The following ASAP1 variants were observed in gnomAD, a reference collection of about 807,000 sequenced individuals.
ASAP1 encodes the protein arf-GAP with SH3 domain, ANK repeat and PH domain-containing protein 1.
A neutral mutation model predicts 145.2 loss-of-function variants in ASAP1; 43 were observed. That is an observed-to-expected ratio of 0.30 (90% CI 0.23 to 0.38). ASAP1 has a LOEUF of 0.38. ASAP1 is among the 10% of genes least tolerant of loss of function. The pLI, the probability that ASAP1 is intolerant of heterozygous loss-of-function variation, is 1.00. For synonymous variants in ASAP1, 546 were observed against 515.5 expected (o/e 1.06, Z -0.80); for missense variants, 1,018 against 1,355.3 (o/e 0.75, Z 3.91).
chr8:130,103,190 T>G (rs894865525), intron 24 of ASAP1, among the ~76,000 whole-genome samples: 1 of 152,176 alleles, frequency 6.6e-6, no homozygotes, highest in Non-Finnish European at 1.5e-5. Context: ...GTTTCCTAAT[T>G]TGCTGGCCTA....
At chr8:130,110,160 G>C (rs897561776) in intron 24 of ASAP1, among the ~76,000 whole-genome samples, 8 of 152,146 alleles carry the variant, frequency 5.3e-5, no homozygotes, top group Admixed American at 1.3e-4. Flanking sequence ...TATATATTAT[G>C]GGTTTCTGTT....
chr8:130,256,784 C>CATATATATATATATATATATATCT (rs1819593739), intron 3 of ASAP1, among the ~76,000 whole-genome samples: 1 of 58,764 alleles, frequency 1.7e-5, no homozygotes, highest in African/African-American at 6.6e-5. Context: ...TATATATATC[C>CATATATATATATATATATATATCT]TTATATATAT....
At chr8:130,077,460 T>G (rs779058123) in intron 26 of ASAP1, among the ~76,000 whole-genome samples, 1 of 151,540 alleles carries the variant, frequency 6.6e-6, no homozygotes, top group Non-Finnish European at 1.5e-5. Flanking sequence ...GAGCCCCATC[T>G]GCCAAGAACC....
In ASAP1 at chr8:130,202,479, TAAG is replaced by T. The variant is rs1417605171; in HGVS notation, c.405+12074_405+12076del. Among the ~76,000 whole-genome samples the T allele has an allele frequency of 1.3e-5, 2 of 152,240 alleles. 1 individual carries two copies. ...GGCACTTGGTAACTGCTGGCAGAGA[TAAG>T]AACACACTTCATAGGAAGTTTCTTT... On this transcript the variant is annotated intron_variant, in intron 5 of 29. Transcript: ENST00000518721.
chr8:130,128,142 T>A, intron 15 of ASAP1, 52 bp from the exon 16 acceptor site: 8 of 340,096 alleles, frequency 2.4e-5, no homozygotes, highest in Non-Finnish European at 3.2e-5. Flanking sequence ...CATGGTCATT[T>A]TTTTTTTTTT....
chr8:130,336,784 CG>C (rs1825063619), intron 3 of ASAP1, among the ~76,000 whole-genome samples: 4 of 152,266 alleles, frequency 2.6e-5, no homozygotes, highest in Middle Eastern at 6.8e-3. Context: ...CTCTAAAAGA[CG>C]GTAAGCCAGA....
intron 4 of ASAP1, among the ~76,000 whole-genome samples, chr8:130,229,989 T>C (rs1442327110): frequency 6.6e-6 from 1 of 151,992 alleles, no homozygotes; most frequent in East Asian, 1.9e-4. Flanking sequence ...CACCTGAGCC[T>C]GGGAGGTCAA....
rs2136145893 is a variant in ASAP1 at position 130,177,167 on chromosome 8, AT to A, written c.746+2096del. ...GATCTTTGGTAAAAGACTAATACAT[AT>A]TTGTGGAAAGGGAAAAAGCAAAGAA... On this transcript the variant is annotated intron_variant, in intron 9 of 29. Transcript: ENST00000518721. Among the ~76,000 whole-genome samples, 3 of 152,336 alleles carry A rather than the reference AT, an allele frequency of 2.0e-5. No individual in the cohort carries two copies. In the South Asian group the frequency reaches 6.2e-4, roughly 32 times the overall value.
chr8:130,076,512 G>C (rs146111332), intron 26 of ASAP1, 106 bp from the exon 27 acceptor site: 1 of 871,010 alleles, frequency 1.1e-6, no homozygotes, highest in Non-Finnish European at 1.8e-6. Context: ...ATCATCTAAA[G>C]AATGCTTTCA....
intron 24 of ASAP1, among the ~76,000 whole-genome samples, chr8:130,097,160 A>T (rs1042758957): frequency 2.2e-5 from 3 of 133,936 alleles, no homozygotes; most frequent in African/African-American, 8.8e-5. Context: ...AAAAAAAAAA[A>T]AGTCCTTGAA....
intron 3 of ASAP1, among the ~76,000 whole-genome samples, chr8:130,247,755 T>G (rs757118882): frequency 1.3e-5 from 2 of 152,120 alleles, no homozygotes; most frequent in Non-Finnish European, 2.9e-5. Flanking sequence ...GCTAAATACT[T>G]TGCTCAGCAT....
Position 130,358,047 on chromosome 8 carries a change from G to C in ASAP1, c.156C>G (p.Asn52Lys). The change falls in exon 3 of 30, where the codon AAC (asparagine) becomes AAG (lysine). Residue 52 changes from asparagine to lysine, a missense_variant. Asn to Lys is a moderately conservative substitution (Grantham distance 94, BLOSUM62 0). Transcript: ENST00000518721. This position sits in a 1 kb window ranked among gnomAD's most constrained non-coding sequence, Gnocchi z 4.1. ...CCAGCAGCGTGACGGTGTTCCTGCA[G>C]TTGTGCAGCCGCGTGGTGAAGCTGG... ...TTSSFTTRLH[N>K]CRNTVTLLEE... 2 of 1,610,562 alleles carry C rather than the reference G, an allele frequency of 1.2e-6. No homozygotes were observed. Among genetic ancestry groups the C allele is most frequent in the Non-Finnish European group, 1.7e-6 (2 of 1,178,866 alleles).
chr8:130,062,789 C>CATGG (rs1389371889), intron 27 of ASAP1, among the ~76,000 whole-genome samples: 1 of 152,164 alleles, frequency 6.6e-6, no homozygotes, highest in African/African-American at 2.4e-5. Context: ...TGCCACCCAT[C>CATGG]TGAATGCAGG....
chr8:130,316,380 T>C (rs569993491), intron 3 of ASAP1, among the ~76,000 whole-genome samples: 1 of 152,350 alleles, frequency 6.6e-6, no homozygotes, highest in East Asian at 1.9e-4. Context: ...CTCCAAGTAT[T>C]CCTGATGTGG....
intron 23 of ASAP1, among the ~76,000 whole-genome samples, chr8:130,113,489 C>T (rs370050750): frequency 6.6e-6 from 1 of 152,200 alleles, no homozygotes; most frequent in African/African-American, 2.4e-5. Context: ...ATGATTATCA[C>T]ATTGTATTAT....
chr8:130,341,385 C>T (rs1276840444), intron 3 of ASAP1, among the ~76,000 whole-genome samples: 1 of 152,156 alleles, frequency 6.6e-6, no homozygotes, highest in Non-Finnish European at 1.5e-5. Flanking sequence ...TGGGTAAGAA[C>T]TGCAAGCAGA....
intron 2 of ASAP1, among the ~76,000 whole-genome samples, chr8:130,391,904 C>T (rs1179702931): frequency 6.6e-6 from 1 of 152,260 alleles, no homozygotes; most frequent in South Asian, 2.1e-4. Context: ...ATCACCAGAA[C>T]CCCTGGAAAG....
intron 3 of ASAP1, among the ~76,000 whole-genome samples, chr8:130,310,141 G>T (rs1823247952): frequency 6.7e-6 from 1 of 149,258 alleles, no homozygotes; most frequent in Non-Finnish European, 1.5e-5. Context: ...TTTTTTTTGG[G>T]GGGGGGAGGG....
chr8:130,167,702 A>T, intron 10 of ASAP1, 80 bp from the exon 11 acceptor site: 1 of 1,009,080 alleles, frequency 9.9e-7, no homozygotes, highest in East Asian at 2.4e-5. Flanking sequence ...AATACCACTC[A>T]TCAAAATTCT....
Sources: gnomAD v4.1 joint callset for allele counts (sites outside exome capture counted in the v4.1 genomes callset) on GRCh38, gnomAD v4.1.1 for gene constraint, Gnocchi (gnomAD v3.1) non-coding constraint, MANE v1.5 for transcripts, NCBI Gene and HGNC (gene_info 2026-07-23, HGNC 2026-07-21) for gene names.